The following TTC27 variants were observed in gnomAD, a reference collection of about 807,000 sequenced individuals.
TTC27 encodes the protein tetratricopeptide repeat domain 27, also known as tetratricopeptide repeat protein 27.
In TTC27, 79 loss-of-function variants were observed where a neutral mutation model predicts 115.9. The observed-to-expected ratio is 0.68, with a 90% CI of 0.57 to 0.82. The LOEUF is 0.82. Among genes scored for constraint, TTC27 ranks in the 40% least tolerant of loss-of-function variants. TTC27 has a pLI of 0.00. For synonymous variants in TTC27, 401 were observed against 356.0 expected, an observed-to-expected ratio of 1.13 and a Z score of -1.42; for missense variants, 1,054 against 993.1, an observed-to-expected ratio of 1.06 and a Z score of -0.82.
At chr2:32,660,306 A>T (rs1665490973) in intron 5 of TTC27, among the ~76,000 whole-genome samples, 1 of 152,156 alleles carries the variant, frequency 6.6e-6, no homozygotes, top group Admixed American at 6.5e-5. Context: ...TGGCTTCATA[A>T]ATGTCTTTTG....
intron 10 of TTC27, chr2:32,704,811 A>G (rs1667311013): frequency 2.1e-6 from 1 of 466,094 alleles, no homozygotes; most frequent in Non-Finnish European, 4.5e-6. Flanking sequence ...CAGGTCATAG[A>G]ATTTTGGCTG....
chr2:32,742,280 G>A (rs938081904), intron 12 of TTC27, among the ~76,000 whole-genome samples: 1 of 152,168 alleles, frequency 6.6e-6, no homozygotes, highest in African/African-American at 2.4e-5. Context: ...AACCTGTTGT[G>A]CTCACTTGAT....
chr2:32,753,524 G>A (rs1481173117), intron 12 of TTC27, among the ~76,000 whole-genome samples: 1 of 125,402 alleles, frequency 8.0e-6, no homozygotes, highest in East Asian at 2.7e-4. Flanking sequence ...TGCAACCTCT[G>A]CCTCCCACTC....
At chr2:32,778,535 A>G (rs1019094661) in intron 14 of TTC27, among the ~76,000 whole-genome samples, 5 of 152,140 alleles carry the variant, frequency 3.3e-5, no homozygotes, top group Non-Finnish European at 7.4e-5. Context: ...GCAAACACTA[A>G]TGTGCATTTT....
At chr2:32,635,736 G>C (rs1047199462) in intron 3 of TTC27, among the ~76,000 whole-genome samples, 4 of 152,010 alleles carry the variant, frequency 2.6e-5, no homozygotes, top group Admixed American at 6.6e-5. Flanking sequence ...GTGGAATAGA[G>C]TTATTAGAGA....
intron 6 of TTC27, 79 bp downstream of exon 6, chr2:32,664,546 G>A (rs1033176852): frequency 4.7e-6 from 6 of 1,265,410 alleles, no homozygotes; most frequent in South Asian, 3.0e-5. Flanking sequence ...ATTGTATGTT[G>A]GTATTAGATT....
intron 15 of TTC27, 26 bp from the exon 16 acceptor site, chr2:32,786,956 GCT>G: frequency 6.3e-7 from 1 of 1,578,528 alleles, no homozygotes; most frequent in Admixed American, 1.9e-5. Context: ...GTTCATTATT[GCT>G]CTCTTTAAAA....
intron 13 of TTC27, among the ~76,000 whole-genome samples, chr2:32,762,821 T>C (rs1030344407): frequency 3.3e-5 from 5 of 152,190 alleles, no homozygotes; most frequent in African/African-American, 1.2e-4. Context: ...TTTGTATTTT[T>C]AGTAGAAACG....
intron 5 of TTC27, among the ~76,000 whole-genome samples, chr2:32,663,882 A>C (rs1466534693): frequency 6.6e-6 from 1 of 151,670 alleles, no homozygotes; most frequent in Non-Finnish European, 1.5e-5. Context: ...ATGGGGTTTC[A>C]CCATGTTGGT....
intron 4 of TTC27, among the ~76,000 whole-genome samples, chr2:32,645,759 C>G (rs1664829316): frequency 6.6e-6 from 1 of 152,016 alleles, no homozygotes; most frequent in African/African-American, 2.4e-5. Flanking sequence ...CTCTGTCGCC[C>G]AGGCTGGAGT....
At chr2:32,670,995 C>G (rs1665995424) in intron 7 of TTC27, among the ~76,000 whole-genome samples, 1 of 150,684 alleles carries the variant, frequency 6.6e-6, no homozygotes, top group African/African-American at 2.4e-5. Context: ...GGATGCAAGT[C>G]CCTTTTCAGA....
intron 2 of TTC27, among the ~76,000 whole-genome samples, chr2:32,632,232 A>G (rs1664248225): frequency 6.8e-6 from 1 of 148,046 alleles, no homozygotes; most frequent in South Asian, 2.1e-4. Flanking sequence ...GCTGGTCTCG[A>G]ACTCCTGGGC....
intron 16 of TTC27, among the ~76,000 whole-genome samples, chr2:32,802,004 A>T: frequency 6.6e-6 from 1 of 152,230 alleles, no homozygotes; most frequent in Non-Finnish European, 1.5e-5. Flanking sequence ...TCTTCAGCAG[A>T]TTATGACATT....
At chr2:32,674,809 A>G (rs1666139351) in intron 8 of TTC27, among the ~76,000 whole-genome samples, 1 of 151,776 alleles carries the variant, frequency 6.6e-6, no homozygotes, top group Non-Finnish European at 1.5e-5. Context: ...ACAGGCGCCC[A>G]CCACCACAGC....
chr2:32,685,451 A>G (rs1211677585), intron 9 of TTC27, among the ~76,000 whole-genome samples: 3 of 152,106 alleles, frequency 2.0e-5, no homozygotes, highest in African/African-American at 7.2e-5. Context: ...CTTCTGGCCC[A>G]CTGTTACTGG....
At chr2:32,785,756 C>T (rs1388103974) in intron 15 of TTC27, among the ~76,000 whole-genome samples, 2 of 152,078 alleles carry the variant, frequency 1.3e-5, no homozygotes, top group Admixed American at 6.6e-5. Flanking sequence ...CCACTATGTC[C>T]AGCTAATTTT....
chr2:32,820,406 TA>T (rs1671650297), intron 19 of TTC27, among the ~76,000 whole-genome samples: 1 of 152,226 alleles, frequency 6.6e-6, no homozygotes. Flanking sequence ...TAAGCGAAAT[TA>T]ATTTTCAAGT....
Position 32,754,869 on chromosome 2 carries a change from G to C in TTC27, c.1453-3423G>C, listed in dbSNP as rs182786224. Among the ~76,000 whole-genome samples the C allele has an allele frequency of 4.0e-5, 6 of 148,516 alleles. No individual in the cohort carries two copies. The South Asian group carries it at 6.5e-4, about 16-fold the overall frequency. ...CCCGGACGGGGCGGCTGGCCAGGCG[G>C]GGGGGCTGACCCCCCCCACCTCCCT... On this transcript the variant is annotated intron_variant, in intron 12 of 19. Coordinates refer to ENST00000317907, the MANE Select transcript of TTC27 (RefSeq NM_017735.5).
intron 1 of TTC27, among the ~76,000 whole-genome samples, chr2:32,629,130 T>C (rs1281269557): frequency 6.6e-6 from 1 of 150,762 alleles, no homozygotes; most frequent in Non-Finnish European, 1.5e-5. Flanking sequence ...GCAAAGTTGT[T>C]TTTTTGGGGG....
Sources: allele counts gnomAD v4.1 joint callset (sites outside exome capture counted in the v4.1 genomes callset), GRCh38; gene constraint gnomAD v4.1.1; transcripts MANE v1.5; gene names NCBI Gene and HGNC (gene_info 2026-07-23, HGNC 2026-07-21).